Variants in B3GALNT2 observed in about 807,000 individuals in gnomAD.
The protein encoded by B3GALNT2 is beta-1,3-N-acetylgalactosaminyltransferase 2, also known as UDP-GalNAc:beta-1,3-N-acetylgalactosaminyltransferase 2.
B3GALNT2 carries 53 observed loss-of-function variants against 61.1 expected under a neutral mutation model. The observed-to-expected ratio is 0.87, with a 90% CI of 0.70 to 1.09. B3GALNT2 has a LOEUF of 1.09. Ranked by LOEUF, B3GALNT2 falls within the 50% of genes least tolerant of loss-of-function variation. The pLI, the probability that B3GALNT2 is intolerant of heterozygous loss-of-function variation, is 0.00. For synonymous variants in B3GALNT2, 223 were observed against 237.4 expected (o/e 0.94, Z 0.56); for missense variants, 544 against 623.0 (o/e 0.87, Z 1.35).
chr1:235,492,560 T>C (rs1387120824), intron 2 of B3GALNT2, among the ~76,000 whole-genome samples: 1 of 152,244 alleles, frequency 6.6e-6, no homozygotes, highest in Admixed American at 6.5e-5. Context: ...TGCACCAAGC[T>C]AGGTTTTAGG....
At chr1:235,445,125 T>A (rs1682156919), downstream of B3GALNT2, among the ~76,000 whole-genome samples, 1 of 152,256 alleles carries the variant, frequency 6.6e-6, no homozygotes, top group African/African-American at 2.4e-5. Context: ...GAATTACTAC[T>A]TTAAACTATT....
At chr1:235,440,077 TCTC>T in the B3GALNT2 span, among the ~76,000 whole-genome samples, 1 of 152,036 alleles carries the variant, frequency 6.6e-6, no homozygotes, top group African/African-American at 2.4e-5. Context: ...TTCACGCCAT[TCTC>T]CTGCCTCAGC....
Position 235,450,103 on chromosome 1 carries a change from G to A in B3GALNT2, c.*103C>T. Reference sequence around the variant, plus strand: ...GAAAGTGCCAGTCTGGAACTCTCTTGAAAGACCATACAGTCTACTGCTAAA... The same window carrying A: ...GAAAGTGCCAGTCTGGAACTCTCTTAAAAGACCATACAGTCTACTGCTAAA... On this transcript the variant is annotated 3_prime_UTR_variant, in exon 12 of 12. Coordinates refer to ENST00000366600, the MANE Select transcript of B3GALNT2 (RefSeq NM_152490.5). 1 of 1,406,176 alleles carries A rather than the reference G, an allele frequency of 7.1e-7. No individual in the cohort carries two copies. Among genetic ancestry groups the A allele is most frequent in the Non-Finnish European group, 9.9e-7 (1 of 1,014,690 alleles). 87.1% of individuals were successfully genotyped at this position (1,406,176 alleles called of 1,614,324 possible).
intron 4 of B3GALNT2, among the ~76,000 whole-genome samples, chr1:235,482,834 CA>C: frequency 6.6e-6 from 1 of 151,854 alleles, no homozygotes; most frequent in East Asian, 1.9e-4. Flanking sequence ...CAAACAACAA[CA>C]AAAAAACCGA....
In B3GALNT2 at chr1:235,465,730, A is replaced by G; in HGVS notation, c.763-16T>C. 1 of 1,611,018 alleles carries G rather than the reference A, an allele frequency of 6.2e-7. No individual in the cohort carries two copies. Among genetic ancestry groups the G allele is most frequent in the Non-Finnish European group, 8.5e-7 (1 of 1,179,086 alleles). On this transcript the variant is annotated splice_polypyrimidine_tract_variant and intron_variant, in intron 6 of 11. Transcript: ENST00000366600. ...CCTCCCCAGCCTGAAAGGAATAAGA[A>G]TGTACTCAGTGATTCATTACTAAAA...
chr1:235,455,738 A>G (rs1268619171), intron 8 of B3GALNT2, 54 bp from the exon 9 acceptor site: 3 of 1,536,610 alleles, frequency 2.0e-6, no homozygotes, highest in Non-Finnish European at 2.7e-6. Context: ...ACAAACACCA[A>G]TGCAGTGGCG....
At chr1:235,474,987 A>ATATTTT (rs1180244284) in intron 5 of B3GALNT2, among the ~76,000 whole-genome samples, 16 of 35,568 alleles carry the variant, frequency 4.5e-4, no homozygotes, top group Non-Finnish European at 6.8e-4. Flanking sequence ...ATATATATAT[A>ATATTTT]TTTTTTTTTT....
At chr1:235,480,734 A>G (rs972992374) in intron 4 of B3GALNT2, among the ~76,000 whole-genome samples, 1 of 151,442 alleles carries the variant, frequency 6.6e-6, no homozygotes, top group Non-Finnish European at 1.5e-5. Flanking sequence ...TGAAACTCCA[A>G]ATTTCTACTA....
rs555676389 is a variant in B3GALNT2 at position 235,449,341 on chromosome 1, T to C, written c.*865A>G. 201 of 156,306 alleles carry C rather than the reference T, an allele frequency of 1.3e-3. No homozygotes were observed. The highest frequency in any genetic ancestry group is 6.8e-3 in the Middle Eastern group (2 of 296). 9.7% of individuals were successfully genotyped at this position (156,306 alleles called of 1,614,324 possible). A position where few individuals can be genotyped will look rare whatever the true frequency, so the allele number is the denominator to read the frequency against. On this transcript the variant is annotated 3_prime_UTR_variant, in exon 12 of 12. Transcript: ENST00000366600. The stretch of plus-strand genomic sequence containing the variant: ...CTTCTTCTGTGATAACCAGCTTTGA[T>C]TGAAATGTACTCATATTAGGTAAAC...
intron 6 of B3GALNT2, among the ~76,000 whole-genome samples, chr1:235,467,921 G>A (rs769515519): frequency 4.0e-5 from 6 of 149,578 alleles, no homozygotes; most frequent in African/African-American, 1.2e-4. Context: ...CTGGGATTAC[G>A]GGCATTAGCC....
Position 235,476,849 on chromosome 1 carries a change from C to CAA in B3GALNT2, c.651+3203_651+3204dup, listed in dbSNP as rs1337555952. Among the ~76,000 whole-genome samples the CAA allele has an allele frequency of 3.8e-3, 463 of 121,036 alleles. 2 individuals carry two copies. The highest frequency in any genetic ancestry group is 0.014 in the African/African-American group (451 of 32,552). 79.4% of individuals were successfully genotyped at this position (121,036 alleles called of 152,430 possible). A position where few individuals can be genotyped will look rare whatever the true frequency, so the allele number is the denominator to read the frequency against. On this transcript the variant is annotated intron_variant, in intron 5 of 11. Coordinates refer to ENST00000366600, the MANE Select transcript of B3GALNT2 (RefSeq NM_152490.5). The stretch of plus-strand genomic sequence containing the variant: ...TGGGTGACAGAGCAAAATGCTGTCT[C>CAA]AAAAAAAAAAAAAAGATATAAAAAA...
chr1:235,463,242 G>C (rs913350828), intron 7 of B3GALNT2, among the ~76,000 whole-genome samples: 1 of 152,062 alleles, frequency 6.6e-6, no homozygotes, highest in African/African-American at 2.4e-5. Flanking sequence ...AGGGTGGGAG[G>C]GGGTAGGAAT....
chr1:235,446,612 C>T (rs1682332063), downstream of B3GALNT2, among the ~76,000 whole-genome samples: 1 of 151,548 alleles, frequency 6.6e-6, no homozygotes, highest in African/African-American at 2.4e-5. Context: ...TTAAGACAGT[C>T]ATGTTACTAT....
chr1:235,459,379 C>T (rs1475066636), intron 7 of B3GALNT2, among the ~76,000 whole-genome samples: 1 of 152,144 alleles, frequency 6.6e-6, no homozygotes, highest in Non-Finnish European at 1.5e-5. Flanking sequence ...TCCCAGCACT[C>T]CGTGAAGCCG....
At chr1:235,444,293 G>A (rs1558395991), downstream of B3GALNT2, among the ~76,000 whole-genome samples, 1 of 152,130 alleles carries the variant, frequency 6.6e-6, no homozygotes, top group African/African-American at 2.4e-5. Flanking sequence ...CTATATAATG[G>A]GTTAGAATTA....
At chr1:235,490,073 G>C (rs923702875) in intron 2 of B3GALNT2, among the ~76,000 whole-genome samples, 1 of 151,920 alleles carries the variant, frequency 6.6e-6, no homozygotes, top group African/African-American at 2.4e-5. Flanking sequence ...ACTGCCTCTT[G>C]TTCCCCAGCT....
intron 5 of B3GALNT2, among the ~76,000 whole-genome samples, chr1:235,474,969 ATATATATATATATATATATTTTTT>A (rs1684170566): frequency 3.5e-5 from 1 of 28,778 alleles, no homozygotes; most frequent in South Asian, 1.2e-3. Flanking sequence ...ATATATATAT[ATATATATATATATATATATTTTTT>A]TTTTTTTTTT....
intron 2 of B3GALNT2, among the ~76,000 whole-genome samples, chr1:235,493,216 C>G (rs1423632430): frequency 1.3e-5 from 2 of 151,964 alleles, no homozygotes; most frequent in East Asian, 3.9e-4. Flanking sequence ...GGAAGGTATG[C>G]TGATGGATTG....
chr1:235,497,843 A>C (rs1046129909), intron 1 of B3GALNT2, among the ~76,000 whole-genome samples: 1 of 152,246 alleles, frequency 6.6e-6, no homozygotes, highest in South Asian at 2.1e-4. Context: ...TAATAAAGAA[A>C]TACAAAGATA....
Sources: allele counts gnomAD v4.1 joint callset (sites outside exome capture counted in the v4.1 genomes callset), GRCh38; gene constraint gnomAD v4.1.1; transcripts MANE v1.5; gene names NCBI Gene and HGNC (gene_info 2026-07-23, HGNC 2026-07-21).